Variants in CAMK4 observed in about 807,000 individuals in gnomAD.
The protein encoded by CAMK4 is calcium/calmodulin-dependent protein kinase type IV.
CAMK4 carries 22 observed loss-of-function variants against 44.9 expected under a neutral mutation model. The ratio of observed to expected loss-of-function variants is 0.49; its 90% CI spans 0.35 to 0.70. The LOEUF is 0.70. CAMK4 is among the 30% of genes least tolerant of loss of function. CAMK4 has a pLI of 0.01. For missense variants in CAMK4, 498 were observed against 586.8 expected (o/e 0.85, Z 1.56); for synonymous variants, 218 against 215.4 (o/e 1.01, Z -0.11).
chr5:111,483,748 A>G (rs142951965), intron 10 of CAMK4, among the ~76,000 whole-genome samples: 58 of 152,334 alleles, frequency 3.8e-4, no homozygotes, highest in Admixed American at 1.2e-3. Context: ...ACACAGATTA[A>G]AATTTTCAAA....
intron 5 of CAMK4, among the ~76,000 whole-genome samples, chr5:111,399,188 C>T (rs1316819924): frequency 1.3e-5 from 2 of 152,176 alleles, no homozygotes; most frequent in African/African-American, 2.4e-5. Flanking sequence ...TTGAGCTACA[C>T]TGGCCTTGTT....
chr5:111,486,859 T>TA lies in CAMK4; in HGVS notation c.*2400dup, dbSNP rs1159291897. 6.6e-6 allele frequency: 1 copy of TA among 152,156 alleles called. No homozygotes were observed. Among genetic ancestry groups the TA allele is most frequent in the Non-Finnish European group, 1.5e-5 (1 of 68,016 alleles). 9.4% of individuals were successfully genotyped at this position (152,156 alleles called of 1,614,324 possible). The stretch of plus-strand genomic sequence containing the variant: ...TTTTTAAACCCATAAACTACATTTT[T>TA]AAAAAAATCAATGGGAGTTTTAAAT... On this transcript the variant is annotated 3_prime_UTR_variant, in exon 11 of 11. Coordinates refer to ENST00000282356, the MANE Select transcript of CAMK4 (RefSeq NM_001744.6).
At chr5:111,452,247 A>T (rs964172497) in intron 7 of CAMK4, among the ~76,000 whole-genome samples, 1 of 152,198 alleles carries the variant, frequency 6.6e-6, no homozygotes, top group African/African-American at 2.4e-5. Context: ...TGACTAGAAC[A>T]TAGAGTTTTT....
intron 1 of CAMK4, among the ~76,000 whole-genome samples, chr5:111,280,674 C>T (rs181573748): frequency 6.6e-6 from 1 of 152,248 alleles, no homozygotes; most frequent in Non-Finnish European, 1.5e-5. Context: ...CACGTGCAGC[C>T]GTGTAAATCT....
chr5:111,295,296 G>T (rs2112633866), intron 1 of CAMK4, among the ~76,000 whole-genome samples: 1 of 152,272 alleles, frequency 6.6e-6, no homozygotes, highest in Admixed American at 6.5e-5. Flanking sequence ...CATGACTATT[G>T]TCCATGTCCC....
intron 1 of CAMK4, among the ~76,000 whole-genome samples, chr5:111,280,566 A>G (rs1750967043): frequency 6.6e-6 from 1 of 152,236 alleles, no homozygotes; most frequent in Non-Finnish European, 1.5e-5. Flanking sequence ...TGAGCACTCC[A>G]AAATTCTAAA....
chr5:111,399,276 C>G (rs1752136522), intron 5 of CAMK4, among the ~76,000 whole-genome samples: 1 of 152,102 alleles, frequency 6.6e-6, no homozygotes, highest in Non-Finnish European at 1.5e-5. Flanking sequence ...CTCTTCATGT[C>G]TTTCTATGGC....
At chr5:111,350,536 G>A (rs751074482) in intron 2 of CAMK4, among the ~76,000 whole-genome samples, 11 of 152,010 alleles carry the variant, frequency 7.2e-5, no homozygotes, top group Middle Eastern at 3.4e-3. Flanking sequence ...CATCTCGGAT[G>A]CCTATAATAC....
intron 5 of CAMK4, among the ~76,000 whole-genome samples, chr5:111,427,727 A>C (rs1753279976): frequency 6.6e-6 from 1 of 152,182 alleles, no homozygotes; most frequent in African/African-American, 2.4e-5. Flanking sequence ...AATACAACAG[A>C]ATACCAGGTA....
chr5:111,474,742 A>AG (rs2067315), intron 8 of CAMK4, among the ~76,000 whole-genome samples: 17,014 of 152,268 alleles, frequency 0.11, 1,149 homozygotes, highest in Non-Finnish European at 0.14. Flanking sequence ...GCAAACTCTA[A>AG]TTTACCTGAT....
At chr5:111,392,983 A>G (rs1751863788) in intron 4 of CAMK4, among the ~76,000 whole-genome samples, 1 of 152,206 alleles carries the variant, frequency 6.6e-6, no homozygotes, top group East Asian at 1.9e-4. Context: ...TTCCAAAATG[A>G]TACCAAAAAA....
chr5:111,224,675 G>T lies in CAMK4; in HGVS notation c.161+31G>T. The T allele has an allele frequency of 1.3e-6, 2 of 1,588,320 alleles. No homozygotes were observed. The highest frequency in any genetic ancestry group is 1.7e-6 in the Non-Finnish European group (2 of 1,167,874). ...GCGCGGGCTCCGGCTGGGGAAGCCC[G>T]CGGCGTGCACTGGGGGTTGTCCCTC... On this transcript the variant is annotated intron_variant, in intron 1 of 10. Coordinates refer to ENST00000282356, the MANE Select transcript of CAMK4 (RefSeq NM_001744.6). This position sits in a 1 kb window ranked among gnomAD's most constrained non-coding sequence, Gnocchi z 5.7.
chr5:111,271,046 AACTC>A (rs1435760324), intron 1 of CAMK4, among the ~76,000 whole-genome samples: 6 of 152,118 alleles, frequency 3.9e-5, no homozygotes, highest in Non-Finnish European at 7.4e-5. Flanking sequence ...ATCACGTGAG[AACTC>A]ACTCACTATC....
At chr5:111,248,807 A>G (rs1448174083) in intron 1 of CAMK4, among the ~76,000 whole-genome samples, 2 of 152,172 alleles carry the variant, frequency 1.3e-5, no homozygotes, top group Non-Finnish European at 2.9e-5. Context: ...AGTCCTCTCC[A>G]GAGACTATGA....
At chr5:111,411,170 G>A (rs1204290860) in intron 5 of CAMK4, among the ~76,000 whole-genome samples, 1 of 152,202 alleles carries the variant, frequency 6.6e-6, no homozygotes, top group Non-Finnish European at 1.5e-5. Flanking sequence ...GGAGACTTGT[G>A]TGTTCTCACT....
intron 1 of CAMK4, among the ~76,000 whole-genome samples, chr5:111,255,201 A>G (rs944096393): frequency 3.9e-5 from 6 of 152,178 alleles, no homozygotes; most frequent in Non-Finnish European, 5.9e-5. Flanking sequence ...ACTACTGTTG[A>G]TGGCCATGAA....
At chr5:111,234,379 G>T (rs988539140) in intron 1 of CAMK4, among the ~76,000 whole-genome samples, 1 of 152,098 alleles carries the variant, frequency 6.6e-6, no homozygotes, top group Non-Finnish European at 1.5e-5. Flanking sequence ...TCACATAGAA[G>T]AAAACAGAAT....
intron 7 of CAMK4, among the ~76,000 whole-genome samples, chr5:111,473,069 C>A (rs936811754): frequency 6.6e-6 from 1 of 151,806 alleles, no homozygotes; most frequent in Non-Finnish European, 1.5e-5. Flanking sequence ...TCATGATATT[C>A]TGACATAGAA....
chr5:111,365,738 G>A (rs1157333037), intron 2 of CAMK4, among the ~76,000 whole-genome samples: 3 of 152,070 alleles, frequency 2.0e-5, no homozygotes, highest in Non-Finnish European at 4.4e-5. Flanking sequence ...CCTTGAGAAC[G>A]CTGAAAAATG....
Sources: gnomAD v4.1 joint callset for allele counts (sites outside exome capture counted in the v4.1 genomes callset) on GRCh38, gnomAD v4.1.1 for gene constraint, Gnocchi (gnomAD v3.1) non-coding constraint, MANE v1.5 for transcripts, NCBI Gene and HGNC (gene_info 2026-07-23, HGNC 2026-07-21) for gene names.